ASTN2: variants seen among roughly 807,000 people sequenced by gnomAD.
The protein encoded by ASTN2 is astrotactin 2.
A neutral mutation model predicts 139.8 loss-of-function variants in ASTN2; 54 were observed. The observed-to-expected ratio is 0.39, with a 90% CI of 0.31 to 0.48. ASTN2 has a LOEUF of 0.48. Ranked by LOEUF, ASTN2 falls within the 20% of genes least tolerant of loss-of-function variation. The pLI is 0.95. For missense variants in ASTN2, 1,565 were observed against 1,725.1 expected (o/e 0.91, Z 1.64); for synonymous variants, 756 against 719.5 (o/e 1.05, Z -0.81).
At chr9:116,639,733 A>G (rs915292566) in intron 17 of ASTN2, among the ~76,000 whole-genome samples, 2 of 152,158 alleles carry the variant, frequency 1.3e-5, no homozygotes, top group Non-Finnish European at 1.5e-5. Context: ...CCTGGCTCTG[A>G]TATTTGCTAG....
At chr9:117,142,033 G>A (rs574053408) in intron 3 of ASTN2, among the ~76,000 whole-genome samples, 2 of 152,320 alleles carry the variant, frequency 1.3e-5, no homozygotes, top group Admixed American at 1.3e-4. Flanking sequence ...TGGATGGAAG[G>A]AGAAGCATGT....
chr9:117,034,524 A>C (rs951802660), intron 6 of ASTN2, among the ~76,000 whole-genome samples: 8 of 152,316 alleles, frequency 5.3e-5, no homozygotes, highest in Non-Finnish European at 8.8e-5. Flanking sequence ...TAATGATTCC[A>C]AGGAGTCTGA....
At chr9:116,839,179 T>C (rs1041964038) in intron 11 of ASTN2, among the ~76,000 whole-genome samples, 5 of 152,200 alleles carry the variant, frequency 3.3e-5, no homozygotes, top group African/African-American at 1.2e-4. Flanking sequence ...GGTCTTACTC[T>C]GTCACCCAGG....
chr9:117,366,775 C>T (rs1350108672), intron 1 of ASTN2, among the ~76,000 whole-genome samples: 2 of 151,968 alleles, frequency 1.3e-5, no homozygotes, highest in African/African-American at 4.8e-5. Flanking sequence ...TCTACTTCAT[C>T]TTCTCTTTTT....
chr9:116,646,726 C>T (rs1326772750), intron 17 of ASTN2, among the ~76,000 whole-genome samples: 1 of 152,182 alleles, frequency 6.6e-6, no homozygotes, highest in Non-Finnish European at 1.5e-5. Flanking sequence ...AAGCCGCCTA[C>T]AGTCTTTCAG....
intron 12 of ASTN2, among the ~76,000 whole-genome samples, chr9:116,820,085 G>A (rs1831443525): frequency 6.6e-6 from 1 of 152,180 alleles, no homozygotes; most frequent in Admixed American, 6.5e-5. Flanking sequence ...AGCTTCACCT[G>A]TGTTGTTTCC....
At position 117,227,176 on chromosome 9, in the gene ASTN2, C is replaced by G. The variant is rs146787305; in HGVS notation, c.631-12434G>C. ...CTGATCTATCACCAAGACAGAGTCA[C>G]GTTGGTGAAGGCTTCCCTTTGCACC... On this transcript the variant is annotated intron_variant, in intron 2 of 22. Transcript: ENST00000313400. 5.8e-3 allele frequency among the ~76,000 whole-genome samples: 880 copies of G among 152,258 alleles called. 6 individuals carry two copies. Among genetic ancestry groups the G allele is most frequent in the African/African-American group, 0.02 (848 of 41,536 alleles).
intron 2 of ASTN2, among the ~76,000 whole-genome samples, chr9:117,223,038 C>T (rs1564488777): frequency 6.6e-6 from 1 of 152,150 alleles, no homozygotes; most frequent in Non-Finnish European, 1.5e-5. Context: ...TAAGAAAGTT[C>T]AGAACATATT....
At chr9:116,597,865 C>T (rs929193328) in intron 19 of ASTN2, among the ~76,000 whole-genome samples, 1 of 152,116 alleles carries the variant, frequency 6.6e-6, no homozygotes, top group Admixed American at 6.5e-5. Context: ...TGCTGAAAAG[C>T]TCTCCTACAT....
At chr9:116,752,929 T>C (rs1246466764) in intron 13 of ASTN2, among the ~76,000 whole-genome samples, 3 of 152,228 alleles carry the variant, frequency 2.0e-5, no homozygotes, top group Admixed American at 6.5e-5. Flanking sequence ...TGCAAAATGG[T>C]ACAGCCACTT....
chr9:116,964,256 T>TGCGCGCGCGCGC (rs1289773313), intron 10 of ASTN2, among the ~76,000 whole-genome samples: 6 of 98,920 alleles, frequency 6.1e-5, no homozygotes, highest in African/African-American at 1.9e-4. Flanking sequence ...TGTGTGTGTG[T>TGCGCGCGCGCGC]GCGCGCGCGC....
intron 17 of ASTN2, among the ~76,000 whole-genome samples, chr9:116,638,642 GCAAAATC>G (rs1857184986): frequency 6.6e-6 from 1 of 152,078 alleles, no homozygotes; most frequent in East Asian, 1.9e-4. Flanking sequence ...AATGCAATCA[GCAAAATC>G]CAGGTTGTGG....
chr9:117,123,362 T>A (rs1200506203), intron 4 of ASTN2, among the ~76,000 whole-genome samples: 1 of 151,894 alleles, frequency 6.6e-6, no homozygotes, highest in African/African-American at 2.4e-5. Flanking sequence ...GACTTTGGGG[T>A]TCAATTAATC....
At chr9:116,929,990 G>A (rs530362008) in intron 10 of ASTN2, among the ~76,000 whole-genome samples, 31 of 152,328 alleles carry the variant, frequency 2.0e-4, no homozygotes, top group African/African-American at 7.5e-4. Flanking sequence ...TACTAATGGA[G>A]GCTGATGGGA....
intron 10 of ASTN2, among the ~76,000 whole-genome samples, chr9:116,901,627 C>A (rs2132405226): frequency 6.6e-6 from 1 of 152,204 alleles, no homozygotes; most frequent in Non-Finnish European, 1.5e-5. Flanking sequence ...AATTAATGTG[C>A]AGTATATAAT....
chr9:117,293,253 G>A (rs2152255), intron 1 of ASTN2, among the ~76,000 whole-genome samples: 2 of 151,806 alleles, frequency 1.3e-5, no homozygotes, highest in African/African-American at 4.8e-5. Context: ...GCGTCATGCT[G>A]TCTTGCCTGG....
intron 19 of ASTN2, among the ~76,000 whole-genome samples, chr9:116,589,115 A>AG (rs1323057301): frequency 6.6e-6 from 1 of 152,168 alleles, no homozygotes; most frequent in Non-Finnish European, 1.5e-5. Context: ...AAACATTTCC[A>AG]GGGGGGTGTG....
In ASTN2 at chr9:117,358,239, A is replaced by G. The variant is rs1462533368; in HGVS notation, c.442+56258T>C. 7.3e-5 allele frequency among the ~76,000 whole-genome samples: 11 copies of G among 150,074 alleles called. No homozygotes were observed. The East Asian group carries it at 2.2e-3, about 30-fold the overall frequency. On this transcript the variant is annotated intron_variant, in intron 1 of 22. Coordinates refer to ENST00000313400, the MANE Select transcript of ASTN2 (RefSeq NM_001365068.1). ...AAAGTAAAGGTCAGACAGGTTAGGT[A>G]ATACATATGCATACATGTGCAGACA...
At chr9:117,225,537 A>ATGTATATATATATATATATG (rs1460719604) in intron 2 of ASTN2, among the ~76,000 whole-genome samples, 1 of 24,422 alleles carries the variant, frequency 4.1e-5, no homozygotes, top group Non-Finnish European at 6.9e-5. Context: ...AGCTGTATGT[A>ATGTATATATATATATATATG]TATATATATA....
Sources: allele counts gnomAD v4.1 joint callset (sites outside exome capture counted in the v4.1 genomes callset), GRCh38; gene constraint gnomAD v4.1.1; transcripts MANE v1.5; gene names NCBI Gene and HGNC (gene_info 2026-07-23, HGNC 2026-07-21).